Variants in WNT3A observed in about 807,000 individuals in gnomAD.
The protein encoded by WNT3A is Wnt family member 3A, also known as protein Wnt-3a.
A neutral mutation model predicts 37.0 loss-of-function variants in WNT3A; 17 were observed. The observed-to-expected ratio is 0.46, with a 90% CI of 0.31 to 0.69. The LOEUF is 0.69. Among genes scored for constraint, WNT3A ranks in the 30% least tolerant of loss-of-function variants. The pLI, the probability that WNT3A is intolerant of heterozygous loss-of-function variation, is 0.05. For synonymous variants in WNT3A, 187 were observed against 211.0 expected (o/e 0.89, Z 0.99); for missense variants, 411 against 510.2 (o/e 0.81, Z 1.87).
chr1:228,050,827 G>GT lies in WNT3A; in HGVS notation c.486dup (p.Gly163TrpfsTer67), dbSNP rs2031530389. On this transcript the variant is annotated frameshift_variant, in exon 3 of 4. Coordinates refer to ENST00000284523, the MANE Select transcript of WNT3A (RefSeq NM_033131.4). LOFTEE classifies it high-confidence loss of function. This position sits in a 1 kb window ranked among gnomAD's most constrained non-coding sequence, Gnocchi z 5.0. ...GGCTGTAGCGAGGACATCGAGTTTG[G>GT]TGGGATGGTGTCTCGGGAGTTCGCC... is the stretch of plus-strand genomic sequence containing the variant. 1 of 1,611,844 alleles carries GT rather than the reference G, an allele frequency of 6.2e-7. No homozygotes were observed. Among genetic ancestry groups the GT allele is most frequent in the Non-Finnish European group, 8.5e-7 (1 of 1,178,602 alleles).
intron 1 of WNT3A, among the ~76,000 whole-genome samples, chr1:228,019,063 C>A (rs895679521): frequency 1.3e-5 from 2 of 152,226 alleles, no homozygotes; most frequent in East Asian, 1.9e-4. Flanking sequence ...AGCTGGCCAC[C>A]TGCACCCTGG....
At chr1:228,054,152 A>T (rs1457760342) in intron 3 of WNT3A, among the ~76,000 whole-genome samples, 1 of 152,198 alleles carries the variant, frequency 6.6e-6, no homozygotes, top group Non-Finnish European at 1.5e-5. Context: ...CCAAGCCAGA[A>T]GTAGTCTTGT....
intron 1 of WNT3A, among the ~76,000 whole-genome samples, chr1:228,017,952 C>A (rs1434266365): frequency 3.3e-5 from 5 of 152,188 alleles, no homozygotes. Context: ...AAGACCCTAT[C>A]TCTACAAAAA....
In WNT3A at chr1:228,039,291, G is replaced by A. The variant is rs928375998; in HGVS notation, c.314-11365G>A. Among the ~76,000 whole-genome samples, 1 of 152,132 alleles carries A rather than the reference G, an allele frequency of 6.6e-6. No homozygotes were observed. Among genetic ancestry groups the A allele is most frequent in the African/African-American group, 2.4e-5 (1 of 41,420 alleles). ...GCTGCCCCAGGATGGGGCCACAGAG[G>A]CAGAACCATAGCCCCCTTCCCAGAC... is the stretch of plus-strand genomic sequence containing the variant. On this transcript the variant is annotated intron_variant, in intron 2 of 3. Transcript: ENST00000284523. This position sits in a 1 kb window ranked among gnomAD's most constrained non-coding sequence, Gnocchi z 4.1.
In WNT3A at chr1:228,007,045, C is replaced by T. The variant is rs560760401; in HGVS notation, c.-84C>T. ...CCGCAGGAGGGCCCAGCGACGCCGCCGCGCCAGCTCCCAGGGCCCGGCCCC... is the reference window on the plus strand; with the variant it reads ...CCGCAGGAGGGCCCAGCGACGCCGCTGCGCCAGCTCCCAGGGCCCGGCCCC... On this transcript the variant is annotated 5_prime_UTR_variant, in exon 1 of 4. Transcript: ENST00000284523. This position sits in a 1 kb window ranked among gnomAD's most constrained non-coding sequence, Gnocchi z 6.0. 2.9e-6 allele frequency: 3 copies of T among 1,047,078 alleles called. No individual in the cohort carries two copies. The highest frequency in any genetic ancestry group is 4.0e-5 in the East Asian group (1 of 25,230). 64.9% of individuals were successfully genotyped at this position (1,047,078 alleles called of 1,614,324 possible).
Position 228,059,184 on chromosome 1 carries a change from T to C in WNT3A, c.778T>C (p.Tyr260His). The C allele has an allele frequency of 1.9e-6, 3 of 1,612,900 alleles. No individual in the cohort carries two copies. In the South Asian group the frequency reaches 3.3e-5, roughly 18 times the overall value. The change falls in exon 4 of 4, where the codon TAC (tyrosine) becomes CAC (histidine). Residue 260 changes from tyrosine (Y) to histidine (H), a missense_variant. Transcript: ENST00000284523. ...CTGGGTGGAGACCCTGCGGCCGCGC[T>C]ACACCTACTTCAAGGTGCCCACGGA... ...RGWVETLRPR[Y>H]TYFKVPTERD...
At chr1:228,056,712 A>T (rs937239967) in intron 3 of WNT3A, among the ~76,000 whole-genome samples, 1 of 152,176 alleles carries the variant, frequency 6.6e-6, no homozygotes, top group African/African-American at 2.4e-5. Context: ...GAAGAAAAAG[A>T]TCTACTTCAA....
intron 1 of WNT3A, among the ~76,000 whole-genome samples, chr1:228,017,253 C>T (rs2030561729): frequency 6.6e-6 from 1 of 152,114 alleles, no homozygotes; most frequent in East Asian, 1.9e-4. Context: ...GAGCTCTGCC[C>T]AGCAGGTGGA....
intron 2 of WNT3A, among the ~76,000 whole-genome samples, chr1:228,030,092 A>G (rs1200787826): frequency 6.6e-6 from 1 of 150,438 alleles, no homozygotes; most frequent in East Asian, 1.9e-4. Flanking sequence ...CTCTAAAAAA[A>G]TATAAAAATA....
At chr1:228,020,372 G>A (rs375205799) in intron 1 of WNT3A, among the ~76,000 whole-genome samples, 3 of 152,180 alleles carry the variant, frequency 2.0e-5, no homozygotes, top group Non-Finnish European at 2.9e-5. Context: ...CAGCCCCTAC[G>A]GTCACCTCCC....
At chr1:228,045,949 C>T (rs750069931) in intron 2 of WNT3A, among the ~76,000 whole-genome samples, 3 of 152,164 alleles carry the variant, frequency 2.0e-5, no homozygotes, top group Non-Finnish European at 4.4e-5. Context: ...ACAGTCCCTG[C>T]CCCTAGGCAG....
intron 2 of WNT3A, among the ~76,000 whole-genome samples, chr1:228,040,443 A>T (rs1200569258): frequency 6.6e-6 from 1 of 152,228 alleles, no homozygotes. Flanking sequence ...TGGTAAGGTC[A>T]GCTCTGAGAG....
chr1:228,024,579 G>T (rs2030808633), intron 2 of WNT3A, among the ~76,000 whole-genome samples: 1 of 152,160 alleles, frequency 6.6e-6, no homozygotes, highest in African/African-American at 2.4e-5. Context: ...TGCATCAGAT[G>T]TATGATTGGT....
intron 2 of WNT3A, among the ~76,000 whole-genome samples, chr1:228,046,422 A>G (rs1234539970): frequency 6.7e-6 from 1 of 148,806 alleles, no homozygotes; most frequent in East Asian, 2.1e-4. Flanking sequence ...TATGGTGTGC[A>G]TGCATGCATA....
chr1:228,007,074 C>CG lies in WNT3A; in HGVS notation c.-53dup. On this transcript the variant is annotated 5_prime_UTR_variant, in exon 1 of 4. Transcript: ENST00000284523. This position sits in a 1 kb window ranked among gnomAD's most constrained non-coding sequence, Gnocchi z 6.0. The stretch of plus-strand genomic sequence containing the variant: ...CCAGCTCCCAGGGCCCGGCCCCCCC[C>CG]GGCGCTCACGCTCTCGGGGCGGACT... 4.3e-6 allele frequency: 6 copies of CG among 1,403,694 alleles called. No homozygotes were observed. Among genetic ancestry groups the CG allele is most frequent in the South Asian group, 2.8e-5 (2 of 72,712 alleles). 87.0% of individuals were successfully genotyped at this position (1,403,694 alleles called of 1,614,324 possible).
At chr1:228,020,099 C>A (rs1333345742) in intron 1 of WNT3A, among the ~76,000 whole-genome samples, 3 of 152,250 alleles carry the variant, frequency 2.0e-5, no homozygotes, top group African/African-American at 7.2e-5. Flanking sequence ...TGGTGCACAC[C>A]TGTAACCTCA....
chr1:228,052,772 C>G (rs1420515499), intron 3 of WNT3A, among the ~76,000 whole-genome samples: 6 of 152,230 alleles, frequency 3.9e-5, no homozygotes, highest in Admixed American at 6.5e-5. Flanking sequence ...TAAAAAGCAC[C>G]CTGTTAAAAG....
chr1:228,025,345 T>C (rs997261461), intron 2 of WNT3A, among the ~76,000 whole-genome samples: 5 of 152,138 alleles, frequency 3.3e-5, no homozygotes, highest in Non-Finnish European at 5.9e-5. Flanking sequence ...TTAATTTTGT[T>C]TGTTTGTTTG....
chr1:228,047,080 G>A (rs1020210024), intron 2 of WNT3A, among the ~76,000 whole-genome samples: 2 of 152,146 alleles, frequency 1.3e-5, no homozygotes, highest in East Asian at 3.9e-4. Flanking sequence ...CAGCCTGGGC[G>A]GCTGGGGCTG....
Sources: allele counts gnomAD v4.1 joint callset (sites outside exome capture counted in the v4.1 genomes callset), GRCh38; gene constraint gnomAD v4.1.1; non-coding constraint Gnocchi (gnomAD v3.1); transcripts MANE v1.5; gene names NCBI Gene and HGNC (gene_info 2026-07-23, HGNC 2026-07-21).